The following VPS13C variants were observed in gnomAD, a reference collection of about 807,000 sequenced individuals.
The protein encoded by VPS13C is vacuolar protein sorting 13 homolog C.
Under a neutral mutation model 456.8 loss-of-function variants are expected in VPS13C, and 358 were observed. The observed-to-expected ratio is 0.78, with a 90% CI of 0.72 to 0.86. The LOEUF (loss-of-function observed/expected upper bound fraction) is 0.86, where lower values mean the gene tolerates loss of function less well. Among genes scored for constraint, VPS13C ranks in the 40% least tolerant of loss-of-function variants. The pLI is 0.00. For synonymous variants in VPS13C, 1,578 were observed against 1,486.7 expected (o/e 1.06, Z -1.41); for missense variants, 4,818 against 4,385.4 (o/e 1.10, Z -2.79).
intron 66 of VPS13C, among the ~76,000 whole-genome samples, chr15:61,894,631 CAA>C (rs1346164178): frequency 1.3e-5 from 2 of 151,512 alleles, no homozygotes; most frequent in Admixed American, 1.3e-4. Context: ...GCTAAGATTA[CAA>C]AAAGAGACAA....
intron 45 of VPS13C, among the ~76,000 whole-genome samples, chr15:61,945,303 GC>G (rs2044566488): frequency 6.6e-6 from 1 of 152,150 alleles, no homozygotes; most frequent in Non-Finnish European, 1.5e-5. Flanking sequence ...AAAAAGAAAA[GC>G]ATTTCATGAT....
chr15:61,922,979 C>T (rs1026422675), intron 53 of VPS13C, among the ~76,000 whole-genome samples: 1 of 152,034 alleles, frequency 6.6e-6, no homozygotes, highest in Non-Finnish European at 1.5e-5. Context: ...AGTAATCATG[C>T]AACACTGACT....
intron 15 of VPS13C, among the ~76,000 whole-genome samples, chr15:62,002,016 TC>T: frequency 6.6e-6 from 1 of 152,216 alleles, no homozygotes. Flanking sequence ...TGATTTATAG[TC>T]CTTTGGGTAT....
At chr15:61,910,127 A>T (rs1321294806) in intron 64 of VPS13C, 50 bp downstream of exon 64, 1 of 1,074,302 alleles carries the variant, frequency 9.3e-7, no homozygotes, top group African/African-American at 1.7e-5. Flanking sequence ...AAAGTATAAT[A>T]AAAAATTAAA....
intron 18 of VPS13C, among the ~76,000 whole-genome samples, chr15:61,986,556 T>TA (rs1316246623): frequency 6.6e-6 from 1 of 151,922 alleles, no homozygotes; most frequent in Non-Finnish European, 1.5e-5. Context: ...GGATGAAGGA[T>TA]AAAAAAATGA....
chr15:61,950,925 C>G lies in VPS13C; in HGVS notation c.4536+20G>C. The G allele has an allele frequency of 6.6e-7, 1 of 1,515,148 alleles. No homozygotes were observed. Among genetic ancestry groups the G allele is most frequent in the Non-Finnish European group, 9.0e-7 (1 of 1,111,812 alleles). 93.9% of individuals were successfully genotyped at this position (1,515,148 alleles called of 1,614,324 possible). On this transcript the variant is annotated intron_variant, in intron 40 of 84. Coordinates refer to ENST00000644861, the MANE Select transcript of VPS13C (RefSeq NM_020821.3). ...TCATATATTCAAATATTAAAGAATC[C>G]TAGAAATGAAACTAGTTACCTTTGT...
intron 10 of VPS13C, 132 bp downstream of exon 10, chr15:62,013,801 G>C: frequency 1.7e-6 from 1 of 593,692 alleles, no homozygotes; most frequent in African/African-American, 1.9e-5. Context: ...ATAGTAAGTA[G>C]CAGGGCCAAA....
chr15:62,058,929 CAA>C (rs10536013), intron 1 of VPS13C, among the ~76,000 whole-genome samples: 77,686 of 141,742 alleles, frequency 0.55, 20,612 homozygotes, highest in Admixed American at 0.63. Context: ...AAAGACAAGC[CAA>C]AAAAAAAAAA....
chr15:61,985,098 A>C, intron 18 of VPS13C, 99 bp from the exon 19 acceptor site: 2 of 983,502 alleles, frequency 2.0e-6, no homozygotes, highest in Non-Finnish European at 1.4e-6. Flanking sequence ...AAAGCAACCT[A>C]ACAAATACAG....
At position 62,012,151 on chromosome 15, in the gene VPS13C, T is replaced by C. The variant is rs2140512917; in HGVS notation, c.839A>G (p.Asn280Ser). The C allele has an allele frequency of 4.5e-6, 7 of 1,550,892 alleles. No individual in the cohort carries two copies. Among genetic ancestry groups the C allele is most frequent in the Non-Finnish European group, 6.2e-6 (7 of 1,127,158 alleles). The change falls in exon 12 of 85, where the codon AAT (asparagine) becomes AGT (serine). Residue 280 changes from asparagine (N) to serine (S), a missense_variant. Physicochemically the swap from Asn to Ser is conservative, Grantham distance 46. Transcript: ENST00000644861. ...SREQILDQLK[N>S]EILTSGNIPP... Reference sequence around the variant, plus strand: ...TATATTTCCACTTGTAAGAATTTCATTTTTCAGCTGATCCTAAACAAAAAA... The same window carrying C: ...TATATTTCCACTTGTAAGAATTTCACTTTTCAGCTGATCCTAAACAAAAAA...
intron 66 of VPS13C, among the ~76,000 whole-genome samples, chr15:61,903,017 C>T (rs1000149931): frequency 7.9e-5 from 12 of 151,376 alleles, no homozygotes; most frequent in African/African-American, 2.4e-4. Context: ...AGTTGCAGGA[C>T]GCAAAATCAA....
At position 61,918,172 on chromosome 15, in the gene VPS13C, G is replaced by T; in HGVS notation, c.7724C>A (p.Pro2575His). The T allele has an allele frequency of 1.2e-6, 2 of 1,600,336 alleles. No homozygotes were observed. The highest frequency in any genetic ancestry group is 2.3e-5 in the East Asian group (1 of 44,000). Reference protein sequence around the residue: ...KLLERIGIARPEEEFHVPLDS... With the variant: ...KLLERIGIARHEEEFHVPLDS... Reference sequence around the variant, plus strand: ...TAAAGGAACATGGAACTCCTCTTCAGGTCTGGCTATCCCAATGCGCTCCAA... The same window carrying T: ...TAAAGGAACATGGAACTCCTCTTCATGTCTGGCTATCCCAATGCGCTCCAA... The change falls in exon 59 of 85, where the codon CCT (proline) becomes CAT (histidine). Residue 2575 changes from proline (P) to histidine (H), a missense_variant. Pro to His is a moderately conservative substitution (Grantham distance 77, BLOSUM62 -2). Coordinates refer to ENST00000644861, the MANE Select transcript of VPS13C (RefSeq NM_020821.3).
chr15:61,946,261 CA>C (rs1315409457), intron 44 of VPS13C, 45 bp downstream of exon 44: 3 of 1,439,926 alleles, frequency 2.1e-6, no homozygotes, highest in Non-Finnish European at 2.8e-6. Context: ...ATCTCAAATC[CA>C]AAAGGCAAAA....
chr15:61,899,304 T>G (rs1269907099), intron 66 of VPS13C, among the ~76,000 whole-genome samples: 1 of 127,550 alleles, frequency 7.8e-6, no homozygotes, highest in African/African-American at 3.0e-5. Flanking sequence ...AAAAAATTAA[T>G]GAATCCAGGA....
chr15:61,996,868 T>TACAC (rs35800911), intron 16 of VPS13C, among the ~76,000 whole-genome samples: 59 of 143,884 alleles, frequency 4.1e-4, no homozygotes, highest in Middle Eastern at 7.1e-3. Context: ...AAGGTCTAAA[T>TACAC]ACACACACAC....
intron 12 of VPS13C, among the ~76,000 whole-genome samples, chr15:62,010,966 G>T (rs1433899096): frequency 6.6e-6 from 1 of 151,878 alleles, no homozygotes; most frequent in Non-Finnish European, 1.5e-5. Context: ...ATACAAAAAA[G>T]GAAATAAGAT....
At chr15:61,926,727 G>C (rs1351431336) in intron 52 of VPS13C, among the ~76,000 whole-genome samples, 1 of 152,148 alleles carries the variant, frequency 6.6e-6, no homozygotes, top group African/African-American at 2.4e-5. Context: ...TTGGCGAAGT[G>C]ACTCCAATTT....
intron 13 of VPS13C, 69 bp from the exon 14 acceptor site, chr15:62,008,830 A>G (rs1050766659): frequency 5.1e-6 from 5 of 975,094 alleles, no homozygotes; most frequent in Non-Finnish European, 7.1e-6. Flanking sequence ...ATTTAATTCT[A>G]TTTTTTAGGC....
rs747531448 is a variant in VPS13C at position 61,961,866 on chromosome 15, T to C, written c.3631A>G (p.Lys1211Glu). 3.1e-6 allele frequency: 5 copies of C among 1,612,718 alleles called. No homozygotes were observed. Among genetic ancestry groups the C allele is most frequent in the Non-Finnish European group, 3.4e-6 (4 of 1,179,410 alleles). Reference sequence around the variant, plus strand: ...GCAGTGGCAGCACTCAGAGACTCTTTGGCTGTCTGGAAATTATTCAGGAAG... The same window carrying C: ...GCAGTGGCAGCACTCAGAGACTCTTCGGCTGTCTGGAAATTATTCAGGAAG... ...LNFLNNFQTA[K>E]ESLSAATAQA... Residue 1211 changes from lysine (K) to glutamate (E), a missense_variant, in exon 35 of 85, where the codon AAA becomes GAA. Coordinates refer to ENST00000644861, the MANE Select transcript of VPS13C (RefSeq NM_020821.3).
Sources: allele counts gnomAD v4.1 joint callset (sites outside exome capture counted in the v4.1 genomes callset), GRCh38; gene constraint gnomAD v4.1.1; transcripts MANE v1.5; gene names NCBI Gene and HGNC (gene_info 2026-07-23, HGNC 2026-07-21).